The following SLCO1C1 variants were observed in gnomAD, a reference collection of about 807,000 sequenced individuals.
SLCO1C1 encodes the protein solute carrier organic anion transporter family member 1C1.
SLCO1C1 carries 70 observed loss-of-function variants against 76.4 expected under a neutral mutation model. The ratio of observed to expected loss-of-function variants is 0.92; its 90% CI spans 0.76 to 1.12. The LOEUF is 1.12. Among genes scored for constraint, SLCO1C1 ranks in the 50% most tolerant of loss-of-function variants. The pLI, the probability that SLCO1C1 is intolerant of heterozygous loss-of-function variation, is 0.00. For missense variants in SLCO1C1, 912 were observed against 823.8 expected, an observed-to-expected ratio of 1.11 and a Z score of -1.31; for synonymous variants, 306 against 286.1, an observed-to-expected ratio of 1.07 and a Z score of -0.70.
At position 20,717,208 on chromosome 12, in the gene SLCO1C1, T is replaced by A. The variant is rs747576767; in HGVS notation, c.753T>A (p.Val251=). 9 of 1,588,776 alleles carry A rather than the reference T, an allele frequency of 5.7e-6. No homozygotes were observed. Among genetic ancestry groups the A allele is most frequent in the Admixed American group, 1.9e-5 (1 of 52,772 alleles). ...GCTCATTATGTGCCAAACTATATGT[T>A]GACATTGGCTTTGTAAACCTAGGTA... ...LLGSLCAKLY[V]DIGFVNLDHI... The change falls in exon 7 of 15, where the codon GTT becomes GTA. Residue 251 remains valine, a synonymous_variant. Coordinates refer to ENST00000266509, the MANE Select transcript of SLCO1C1 (RefSeq NM_017435.5).
chr12:20,720,922 G>A lies in SLCO1C1; in HGVS notation c.776-882G>A, dbSNP rs536099400. On this transcript the variant is annotated intron_variant, in intron 7 of 14. Coordinates refer to ENST00000266509, the MANE Select transcript of SLCO1C1 (RefSeq NM_017435.5). The stretch of plus-strand genomic sequence containing the variant: ...TAAGGCAGGAGAATCGCTTGAACCC[G>A]GGAGGCGGAGGTTGTGGTGGGCCGA... Among the ~76,000 whole-genome samples, 24 of 151,610 alleles carry A rather than the reference G, an allele frequency of 1.6e-4. No homozygotes were observed. In the South Asian group the frequency reaches 3.1e-3, roughly 20 times the overall value.
chr12:20,717,648 C>CTTTTTTTTTTT lies in SLCO1C1; in HGVS notation c.775+452_775+462dup, dbSNP rs534946900. ...GTCTACTGGCAACCAAACAGCCCTTCTTTTTTTTTTTTTTTTTTTTTTTTT... is the reference window on the plus strand; with the variant it reads ...GTCTACTGGCAACCAAACAGCCCTTCTTTTTTTTTTTTTTTTTTTTTTTTTTTTTTTTTTTT... On this transcript the variant is annotated intron_variant, in intron 7 of 14. Coordinates refer to ENST00000266509, the MANE Select transcript of SLCO1C1 (RefSeq NM_017435.5). 9.7e-4 allele frequency among the ~76,000 whole-genome samples: 41 copies of CTTTTTTTTTTT among 42,322 alleles called. 1 individual carries two copies. Among genetic ancestry groups the CTTTTTTTTTTT allele is most frequent in the African/African-American group, 1.7e-3 (25 of 14,842 alleles). The allele number at this position is 42,322 out of a possible 152,430, so 27.8% of individuals were successfully genotyped here.
chr12:20,714,224 A>T (rs1947262762), intron 5 of SLCO1C1, among the ~76,000 whole-genome samples: 1 of 152,222 alleles, frequency 6.6e-6, no homozygotes, highest in Non-Finnish European at 1.5e-5. Context: ...TAACAGGTAA[A>T]GATAACTCCT....
At chr12:20,706,716 C>T (rs1473993) in intron 4 of SLCO1C1, among the ~76,000 whole-genome samples, 89,815 of 151,832 alleles carry the variant, frequency 0.59, 26,892 homozygotes, top group East Asian at 0.75. Context: ...AAGGACAGGA[C>T]CCCATGACTT....
At chr12:20,730,973 G>A (rs1948237412) in intron 9 of SLCO1C1, among the ~76,000 whole-genome samples, 1 of 152,178 alleles carries the variant, frequency 6.6e-6, no homozygotes, top group Non-Finnish European at 1.5e-5. Context: ...GTTTAGTACA[G>A]ATTTAATTGA....
At chr12:20,739,400 T>G (rs907613227) in intron 11 of SLCO1C1, among the ~76,000 whole-genome samples, 6 of 150,190 alleles carry the variant, frequency 4.0e-5, no homozygotes, top group Non-Finnish European at 8.9e-5. Flanking sequence ...TTTTTTTTGT[T>G]TTTTTTTTTA....
At chr12:20,746,464 A>G (rs1949048358) in intron 13 of SLCO1C1, among the ~76,000 whole-genome samples, 1 of 141,128 alleles carries the variant, frequency 7.1e-6, no homozygotes, top group Non-Finnish European at 1.6e-5. Flanking sequence ...TACTTTCTAT[A>G]AGAAGCATAG....
At chr12:20,733,416 T>C (rs930438803) in intron 10 of SLCO1C1, among the ~76,000 whole-genome samples, 24 of 152,224 alleles carry the variant, frequency 1.6e-4, no homozygotes, top group African/African-American at 5.3e-4. Flanking sequence ...CTATTCTTAA[T>C]GAAATGATGT....
intron 9 of SLCO1C1, among the ~76,000 whole-genome samples, chr12:20,732,363 G>T (rs1238840012): frequency 6.6e-6 from 1 of 152,134 alleles, no homozygotes; most frequent in African/African-American, 2.4e-5. Context: ...AAAATTCAGT[G>T]TGATAATATT....
chr12:20,707,705 A>G (rs1332237297), intron 4 of SLCO1C1, among the ~76,000 whole-genome samples: 1 of 152,214 alleles, frequency 6.6e-6, no homozygotes, highest in African/African-American at 2.4e-5. Context: ...CTTTTAGCTA[A>G]TTAAGCCACC....
intron 11 of SLCO1C1, among the ~76,000 whole-genome samples, chr12:20,738,633 TTTG>T (rs796095022): frequency 7.9e-5 from 12 of 152,322 alleles, no homozygotes; most frequent in African/African-American, 2.9e-4. Context: ...GCTTTCTTCC[TTTG>T]TTATTTTTCT....
At chr12:20,740,787 T>TTATATATATATATA (rs71039980) in intron 12 of SLCO1C1, among the ~76,000 whole-genome samples, 1,159 of 74,878 alleles carry the variant, frequency 0.015, 30 homozygotes, top group African/African-American at 0.033. Context: ...TTTATTTTAT[T>TTATATATATATATA]TATATATATA....
chr12:20,749,340 G>T (rs1366125095), intron 13 of SLCO1C1, among the ~76,000 whole-genome samples: 2 of 152,204 alleles, frequency 1.3e-5, no homozygotes, highest in Admixed American at 1.3e-4. Flanking sequence ...CAGAGAGAAA[G>T]CTGTATGGAC....
At position 20,697,251 on chromosome 12, in the gene SLCO1C1, TATG is replaced by T. The variant is rs369768752; in HGVS notation, c.-26+1447_-26+1449del. On this transcript the variant is annotated intron_variant, in intron 1 of 14. Coordinates refer to ENST00000266509, the MANE Select transcript of SLCO1C1 (RefSeq NM_017435.5). ...TAATATTATGACTGATGAGAAATAA[TATG>T]ATATCTGAATCCCCAAAAACAGAAG... 641 of 152,178 alleles carry T rather than the reference TATG, an allele frequency of 4.2e-3. 6 individuals are homozygous for T. The highest frequency in any genetic ancestry group is 0.015 in the African/African-American group (615 of 41,556). 9.4% of individuals were successfully genotyped at this position (152,178 alleles called of 1,614,324 possible).
intron 3 of SLCO1C1, among the ~76,000 whole-genome samples, chr12:20,703,984 T>TGTGC (rs1946653478): frequency 6.9e-6 from 1 of 144,148 alleles, no homozygotes; most frequent in Non-Finnish European, 1.6e-5. Flanking sequence ...TGTGTGTGTG[T>TGTGC]GTGCATAGAC....
rs750298695 is a variant in SLCO1C1, at chr12:20,699,555, A to G, written c.-22A>G. The G allele has an allele frequency of 6.3e-7, 1 of 1,586,418 alleles. No homozygotes were observed. The highest frequency in any genetic ancestry group is 1.2e-5 in the South Asian group (1 of 85,708). ...CTTTAAAAACTAACTTTGACAGATCAGAGTCAAGGAATGTGTTTATAATGG... is the reference window on the plus strand; with the variant it reads ...CTTTAAAAACTAACTTTGACAGATCGGAGTCAAGGAATGTGTTTATAATGG... On this transcript the variant is annotated 5_prime_UTR_variant, in exon 2 of 15. Coordinates refer to ENST00000266509, the MANE Select transcript of SLCO1C1 (RefSeq NM_017435.5).
intron 12 of SLCO1C1, 98 bp downstream of exon 12, chr12:20,740,466 G>C (rs1032491138): frequency 2.4e-5 from 26 of 1,083,890 alleles, no homozygotes; most frequent in Non-Finnish European, 3.4e-5. Context: ...ATTCCTCTTA[G>C]TTTTTTCAAG....
chr12:20,728,950 T>C (rs1484265208), intron 9 of SLCO1C1, among the ~76,000 whole-genome samples: 1 of 152,204 alleles, frequency 6.6e-6, no homozygotes, highest in South Asian at 2.1e-4. Flanking sequence ...TAAATATGCA[T>C]GTTGAATTCA....
At chr12:20,716,110 G>T (rs895467676) in intron 6 of SLCO1C1, among the ~76,000 whole-genome samples, 1 of 152,152 alleles carries the variant, frequency 6.6e-6, no homozygotes, top group African/African-American at 2.4e-5. Context: ...ATTGAGGGGC[G>T]CTACAGCTAG....
Sources: allele counts gnomAD v4.1 joint callset (sites outside exome capture counted in the v4.1 genomes callset), GRCh38; gene constraint gnomAD v4.1.1; transcripts MANE v1.5; gene names NCBI Gene and HGNC (gene_info 2026-07-23, HGNC 2026-07-21).